PDE4D: variants seen among roughly 807,000 people sequenced by gnomAD.
The protein encoded by PDE4D is 3',5'-cyclic-AMP phosphodiesterase 4D.
A neutral mutation model predicts 87.4 loss-of-function variants in PDE4D; 24 were observed. The ratio of observed to expected loss-of-function variants is 0.27; its 90% CI spans 0.20 to 0.39. PDE4D has a LOEUF of 0.39. Among genes scored for constraint, PDE4D ranks in the 10% least tolerant of loss-of-function variants. The pLI, the probability that PDE4D is intolerant of heterozygous loss-of-function variation, is 1.00. For synonymous variants in PDE4D, 384 were observed against 383.2 expected (o/e 1.00, Z -0.02); for missense variants, 714 against 1,041.0 (o/e 0.69, Z 4.32).
chr5:60,403,664 T>TA (rs1741281180), intron 1 of PDE4D, among the ~76,000 whole-genome samples: 2 of 152,284 alleles, frequency 1.3e-5, no homozygotes, highest in East Asian at 3.9e-4. Context: ...TAATAGAAGT[T>TA]AAGTAAATGC....
intron 4 of PDE4D, among the ~76,000 whole-genome samples, chr5:59,181,543 G>GATATATATATATATAT (rs3061466): frequency 0.016 from 1,878 of 118,302 alleles, 23 homozygotes; most frequent in African/African-American, 0.029. Context: ...AAAGATGTCT[G>GATATATATATATATAT]ATATATATAT....
intron 1 of PDE4D, among the ~76,000 whole-genome samples, chr5:59,383,370 C>T (rs1786294395): frequency 6.6e-6 from 1 of 152,080 alleles, no homozygotes; most frequent in African/African-American, 2.4e-5. Flanking sequence ...TGCCCATTTG[C>T]CCACGAATCT....
At chr5:60,442,107 T>G (rs747514799) in intron 1 of PDE4D, among the ~76,000 whole-genome samples, 9 of 152,160 alleles carry the variant, frequency 5.9e-5, no homozygotes, top group Non-Finnish European at 1.2e-4. Flanking sequence ...CCCAAAGGAC[T>G]ATAAATCATG....
chr5:60,139,445 T>C (rs1052689716), intron 2 of PDE4D, among the ~76,000 whole-genome samples: 1 of 152,128 alleles, frequency 6.6e-6, no homozygotes, highest in African/African-American at 2.4e-5. Context: ...CTTAAAACTA[T>C]TCTCAAGGGA....
intron 1 of PDE4D, among the ~76,000 whole-genome samples, chr5:60,295,541 T>C (rs969182976): frequency 6.6e-6 from 1 of 152,036 alleles, no homozygotes; most frequent in Non-Finnish European, 1.5e-5. Flanking sequence ...TGGGAGGAGG[T>C]GCTGTCCCGT....
At chr5:59,541,588 C>T (rs544099509) in intron 1 of PDE4D, among the ~76,000 whole-genome samples, 2 of 152,182 alleles carry the variant, frequency 1.3e-5, no homozygotes, top group African/African-American at 4.8e-5. Flanking sequence ...ATCTCCTCCC[C>T]CTTTATATAG....
At chr5:59,907,777 C>G (rs1468278053) in intron 3 of PDE4D, among the ~76,000 whole-genome samples, 1 of 152,264 alleles carries the variant, frequency 6.6e-6, no homozygotes, top group East Asian at 1.9e-4. Context: ...GAGATGAGAG[C>G]TGGTCTGAAT....
chr5:59,977,577 GA>G (rs1008492324), intron 3 of PDE4D, among the ~76,000 whole-genome samples: 15 of 150,656 alleles, frequency 1.0e-4, no homozygotes, highest in Middle Eastern at 3.4e-3. Flanking sequence ...ATAAAAGCTG[GA>G]AAAAAAAAGG....
At chr5:59,780,421 T>C (rs1026148625) in intron 1 of PDE4D, among the ~76,000 whole-genome samples, 2 of 152,226 alleles carry the variant, frequency 1.3e-5, no homozygotes, top group African/African-American at 2.4e-5. Context: ...TGACCAAGCA[T>C]TTCCCAGGAG....
At chr5:60,072,890 C>T (rs1304334595) in intron 2 of PDE4D, among the ~76,000 whole-genome samples, 1 of 151,970 alleles carries the variant, frequency 6.6e-6, no homozygotes, top group South Asian at 2.1e-4. Context: ...TTTTGGATAC[C>T]GTATCCCTGT....
chr5:60,483,728 G>A (rs956612104), intron 1 of PDE4D, among the ~76,000 whole-genome samples: 1 of 152,144 alleles, frequency 6.6e-6, no homozygotes, highest in Non-Finnish European at 1.5e-5. Context: ...AAATGAAATT[G>A]TTTCATTCCT....
chr5:59,632,850 C>T (rs575357588), intron 1 of PDE4D, among the ~76,000 whole-genome samples: 12 of 152,252 alleles, frequency 7.9e-5, no homozygotes, highest in South Asian at 2.1e-4. Flanking sequence ...CACAACTCCT[C>T]GCCAGCAAGG....
intron 3 of PDE4D, among the ~76,000 whole-genome samples, chr5:59,949,305 A>T (rs1317429488): frequency 1.3e-5 from 2 of 151,918 alleles, no homozygotes; most frequent in Non-Finnish European, 2.9e-5. Flanking sequence ...TGGTGGCGGA[A>T]GCCTGTATTC....
At chr5:60,391,910 C>T (rs749465552) in intron 1 of PDE4D, among the ~76,000 whole-genome samples, 1 of 152,056 alleles carries the variant, frequency 6.6e-6, no homozygotes, top group African/African-American at 2.4e-5. Flanking sequence ...TACCTTTAGT[C>T]CTTGTTGAGG....
At chr5:60,283,040 T>G (rs1051654576) in intron 1 of PDE4D, among the ~76,000 whole-genome samples, 3 of 152,208 alleles carry the variant, frequency 2.0e-5, no homozygotes, top group Non-Finnish European at 4.4e-5. Flanking sequence ...TTGATTGTTT[T>G]TTCAAGTTTC....
intron 2 of PDE4D, among the ~76,000 whole-genome samples, chr5:60,157,000 T>C (rs1782034490): frequency 6.6e-6 from 1 of 152,146 alleles, no homozygotes; most frequent in Admixed American, 6.5e-5. Context: ...TATTTTTTAA[T>C]TATGGATTGC....
intron 1 of PDE4D, among the ~76,000 whole-genome samples, chr5:60,363,369 T>C (rs894047019): frequency 2.6e-5 from 4 of 152,180 alleles, no homozygotes; most frequent in Non-Finnish European, 5.9e-5. Context: ...CGAACCCTAT[T>C]CTTTCCATCC....
At chr5:59,163,682 C>T (rs1781492652) in intron 5 of PDE4D, among the ~76,000 whole-genome samples, 1 of 152,176 alleles carries the variant, frequency 6.6e-6, no homozygotes, top group South Asian at 2.1e-4. Flanking sequence ...TTCTGACTTC[C>T]TTATTATATA....
At chr5:59,786,858 T>C (rs1292754865) in intron 1 of PDE4D, among the ~76,000 whole-genome samples, 1 of 152,174 alleles carries the variant, frequency 6.6e-6, no homozygotes, top group African/African-American at 2.4e-5. Flanking sequence ...ATGCCCTTTT[T>C]CAACATTTTT....
Sources: gnomAD v4.1 joint callset for allele counts (sites outside exome capture counted in the v4.1 genomes callset) on GRCh38, gnomAD v4.1.1 for gene constraint, MANE v1.5 for transcripts, NCBI Gene and HGNC (gene_info 2026-07-23, HGNC 2026-07-21) for gene names.